Variants in ZFAND3 observed in about 807,000 individuals in gnomAD.
ZFAND3 encodes zinc finger AN1-type containing 3, also known as AN1-type zinc finger protein 3.
A neutral mutation model predicts 29.6 loss-of-function variants in ZFAND3; 10 were observed. The observed-to-expected ratio is 0.34, with a 90% CI of 0.21 to 0.57. ZFAND3 has a LOEUF of 0.57. Among genes scored for constraint, ZFAND3 ranks in the 20% least tolerant of loss-of-function variants. The pLI is 0.86. For missense variants in ZFAND3, 230 were observed against 304.5 expected, an observed-to-expected ratio of 0.76 and a Z score of 1.82; for synonymous variants, 128 against 112.6, an observed-to-expected ratio of 1.14 and a Z score of -0.87.
At chr6:37,985,761 A>C (rs911835627) in intron 2 of ZFAND3, among the ~76,000 whole-genome samples, 25 of 152,380 alleles carry the variant, frequency 1.6e-4, no homozygotes, top group East Asian at 3.9e-4. Context: ...AAGCACATGT[A>C]GTTGAAAAGT....
chr6:37,872,474 G>A (rs11755629), intron 1 of ZFAND3, among the ~76,000 whole-genome samples: 33,148 of 151,846 alleles, frequency 0.22, 4,521 homozygotes, highest in African/African-American at 0.38. Context: ...ATACACACCC[G>A]CAGTAGGGAA....
chr6:38,025,535 G>A (rs1304196209), intron 2 of ZFAND3, among the ~76,000 whole-genome samples: 1 of 151,342 alleles, frequency 6.6e-6, no homozygotes, highest in African/African-American at 2.4e-5. Context: ...TTTTTGGTCT[G>A]TTTTGTTCTT....
intron 2 of ZFAND3, among the ~76,000 whole-genome samples, chr6:38,014,385 G>A (rs1763218527): frequency 6.6e-6 from 1 of 151,714 alleles, no homozygotes; most frequent in Non-Finnish European, 1.5e-5. Context: ...GGAGTGCCGT[G>A]GCGCGATCTT....
At chr6:38,053,625 G>A (rs568976845) in intron 2 of ZFAND3, among the ~76,000 whole-genome samples, 1 of 152,230 alleles carries the variant, frequency 6.6e-6, no homozygotes, top group African/African-American at 2.4e-5. Context: ...CTTGAACTCA[G>A]GATGCCAAGG....
intron 2 of ZFAND3, among the ~76,000 whole-genome samples, chr6:37,997,803 G>C (rs1001378826): frequency 2.0e-5 from 3 of 152,208 alleles, no homozygotes; most frequent in Non-Finnish European, 4.4e-5. Flanking sequence ...AGGTCCGTCA[G>C]CTTTGAAAAG....
At chr6:38,018,485 G>A (rs189276182) in intron 2 of ZFAND3, among the ~76,000 whole-genome samples, 116 of 152,184 alleles carry the variant, frequency 7.6e-4, no homozygotes, top group African/African-American at 2.6e-3. Flanking sequence ...AAAGGTATAA[G>A]GGTATACGCT....
intron 2 of ZFAND3, among the ~76,000 whole-genome samples, chr6:37,960,539 C>A (rs111981971): frequency 1.4e-4 from 22 of 152,184 alleles, no homozygotes; most frequent in Non-Finnish European, 2.8e-4. Context: ...ATCCTCTTAG[C>A]ACGTACACAT....
intron 5 of ZFAND3, among the ~76,000 whole-genome samples, chr6:38,124,194 A>G (rs1464783128): frequency 6.6e-6 from 1 of 152,140 alleles, no homozygotes; most frequent in Admixed American, 6.5e-5. Flanking sequence ...TGACTGGTGT[A>G]TTTGCAATCC....
At chr6:38,072,592 A>G (rs1764478429) in intron 3 of ZFAND3, among the ~76,000 whole-genome samples, 1 of 152,222 alleles carries the variant, frequency 6.6e-6, no homozygotes, top group Non-Finnish European at 1.5e-5. Flanking sequence ...AATATGTGAC[A>G]CTGTGCTGAT....
chr6:37,970,769 G>T (rs1227544206), intron 2 of ZFAND3, among the ~76,000 whole-genome samples: 1 of 152,090 alleles, frequency 6.6e-6, no homozygotes, highest in Non-Finnish European at 1.5e-5. Context: ...GCCGGCCGTG[G>T]TGGCGGGCGC....
intron 2 of ZFAND3, among the ~76,000 whole-genome samples, chr6:37,945,991 C>G (rs1037836826): frequency 1.2e-4 from 19 of 152,170 alleles, no homozygotes; most frequent in African/African-American, 4.1e-4. Flanking sequence ...CAACCCCACC[C>G]TAACATCAGA....
intron 2 of ZFAND3, among the ~76,000 whole-genome samples, chr6:38,011,603 T>A (rs1262919527): frequency 1.3e-5 from 2 of 152,252 alleles, no homozygotes; most frequent in Non-Finnish European, 2.9e-5. Flanking sequence ...TTGTGGCATT[T>A]ATGCTAAAAG....
intron 1 of ZFAND3, among the ~76,000 whole-genome samples, chr6:37,887,542 T>C (rs949195184): frequency 2.6e-5 from 4 of 152,234 alleles, no homozygotes; most frequent in Admixed American, 6.5e-5. Flanking sequence ...CCCTAAATTG[T>C]ATTCCCTGAT....
Position 38,153,860 on chromosome 6 carries a change from G to GC in ZFAND3, c.*1474dup, listed in dbSNP as rs1236716694. 2.0e-6 allele frequency: 2 copies of GC among 985,394 alleles called. No homozygotes were observed. The highest frequency in any genetic ancestry group is 3.5e-5 in the African/African-American group (2 of 57,240). 61.0% of individuals were successfully genotyped at this position (985,394 alleles called of 1,614,324 possible). A position where few individuals can be genotyped will look rare whatever the true frequency, so the allele number is the denominator to read the frequency against. ...GCCCCTGCGGAGGCAGCGTGGATCT[G>GC]CCCACACATAGGCTACTGGAATAGT... On this transcript the variant is annotated 3_prime_UTR_variant, in exon 6 of 6. Transcript: ENST00000287218.
rs561650804 is a variant in ZFAND3 at position 38,020,356 on chromosome 6, T to A, written c.113-41237T>A. Among the ~76,000 whole-genome samples the A allele has an allele frequency of 3.5e-3, 536 of 151,938 alleles. 3 individuals carry two copies. Among genetic ancestry groups the A allele is most frequent in the African/African-American group, 0.011 (449 of 41,456 alleles). ...TAGTGATCGGAAAGATAATTAAAAATTTTTTTTTAAGTAGAATCACTTGGT... is the reference window on the plus strand; with the variant it reads ...TAGTGATCGGAAAGATAATTAAAAAATTTTTTTTAAGTAGAATCACTTGGT... On this transcript the variant is annotated intron_variant, in intron 2 of 5. Coordinates refer to ENST00000287218, the MANE Select transcript of ZFAND3 (RefSeq NM_021943.3).
At chr6:37,853,517 G>A (rs913738173) in intron 1 of ZFAND3, among the ~76,000 whole-genome samples, 1 of 151,610 alleles carries the variant, frequency 6.6e-6, no homozygotes, top group African/African-American at 2.4e-5. Context: ...CTAGAATTCA[G>A]TAATACTATA....
At chr6:37,950,654 C>T (rs983269885) in intron 2 of ZFAND3, among the ~76,000 whole-genome samples, 9 of 152,156 alleles carry the variant, frequency 5.9e-5, no homozygotes, top group African/African-American at 1.9e-4. Flanking sequence ...GCTAGGATTA[C>T]AAGGGTGAGC....
Position 38,153,221 on chromosome 6 carries a change from C to G in ZFAND3, c.*832C>G, listed in dbSNP as rs1187123509. On this transcript the variant is annotated 3_prime_UTR_variant, in exon 6 of 6. Transcript: ENST00000287218. ...GGCGAATGGCAGCACAGCGCGGTGG[C>G]TGGGTCTGCACACTGGCCTCTGCAG... 1 of 985,378 alleles carries G rather than the reference C, an allele frequency of 1.0e-6. No individual in the cohort carries two copies. Among genetic ancestry groups the G allele is most frequent in the Admixed American group, 6.1e-5 (1 of 16,272 alleles). The allele number at this position is 985,378 out of a possible 1,614,324, so 61.0% of individuals were successfully genotyped here.
At position 37,976,211 on chromosome 6, in the gene ZFAND3, T is replaced by C. The variant is rs565672206; in HGVS notation, c.112+46212T>C. Among the ~76,000 whole-genome samples, 3 of 152,312 alleles carry C rather than the reference T, an allele frequency of 2.0e-5. No individual in the cohort carries two copies. The East Asian group carries it at 5.8e-4, about 29-fold the overall frequency. Reference sequence around the variant, plus strand: ...TGTATCTGTAAACTTGGTAAACTTATTAGTTATAGTAACTTTATTATTTAT... The same window carrying C: ...TGTATCTGTAAACTTGGTAAACTTACTAGTTATAGTAACTTTATTATTTAT... On this transcript the variant is annotated intron_variant, in intron 2 of 5. Coordinates refer to ENST00000287218, the MANE Select transcript of ZFAND3 (RefSeq NM_021943.3).
Sources: gnomAD v4.1 joint callset for allele counts (sites outside exome capture counted in the v4.1 genomes callset) on GRCh38, gnomAD v4.1.1 for gene constraint, MANE v1.5 for transcripts, NCBI Gene and HGNC (gene_info 2026-07-23, HGNC 2026-07-21) for gene names.